GON4L: variants seen among roughly 807,000 people sequenced by gnomAD.
GON4L encodes the protein gon-4 like.
GON4L carries 87 observed loss-of-function variants against 211.8 expected under a neutral mutation model. That is an observed-to-expected ratio of 0.41 (90% CI 0.35 to 0.49). GON4L has a LOEUF of 0.49. Ranked by LOEUF, GON4L falls within the 20% of genes least tolerant of loss-of-function variation. GON4L has a pLI of 0.15. For missense variants in GON4L, 2,155 were observed against 2,659.5 expected, an observed-to-expected ratio of 0.81 and a Z score of 4.17; for synonymous variants, 875 against 962.6, an observed-to-expected ratio of 0.91 and a Z score of 1.68.
chr1:155,843,450 AC>A (rs1456494706), intron 2 of GON4L, among the ~76,000 whole-genome samples: 1 of 151,984 alleles, frequency 6.6e-6, no homozygotes, highest in Non-Finnish European at 1.5e-5. Context: ...CCCACACTTA[AC>A]AGATTGACCT....
intron 27 of GON4L, among the ~76,000 whole-genome samples, chr1:155,755,914 C>T (rs894358990): frequency 2.0e-5 from 3 of 150,568 alleles, no homozygotes; most frequent in African/African-American, 7.4e-5. Context: ...CAAGGTCATA[C>T]AGCTACTAAG....
Position 155,765,672 on chromosome 1 carries a change from A to T in GON4L, c.3801T>A (p.His1267Gln). Residue 1267 changes from histidine to glutamine, a missense_variant, in exon 21 of 32, where the codon CAT becomes CAA. His to Gln is a conservative substitution (Grantham distance 24). Coordinates refer to ENST00000368331, the MANE Select transcript of GON4L (RefSeq NM_001282860.2). Reference protein sequence around the residue: ...LSATVFPKVEHSPGPPLADAE... With the variant: ...LSATVFPKVEQSPGPPLADAE... Reference sequence around the variant, plus strand: ...CATCTGCTAGTGGAGGCCCTGGGCTATGTTCCACTTTCGGGAAAACAGTAG... The same window carrying T: ...CATCTGCTAGTGGAGGCCCTGGGCTTTGTTCCACTTTCGGGAAAACAGTAG... 2 of 1,614,158 alleles carry T rather than the reference A, an allele frequency of 1.2e-6. No homozygotes were observed. The highest frequency in any genetic ancestry group is 1.7e-6 in the Non-Finnish European group (2 of 1,180,032).
At chr1:155,814,281 C>A in intron 9 of GON4L, 49 bp downstream of exon 9, 3 of 1,545,102 alleles carry the variant, frequency 1.9e-6, no homozygotes, top group Non-Finnish European at 2.7e-6. Flanking sequence ...GTTAAAAAAT[C>A]TACTTAGACA....
chr1:155,790,932 G>C (rs1665486338), intron 12 of GON4L, among the ~76,000 whole-genome samples: 1 of 150,886 alleles, frequency 6.6e-6, no homozygotes, highest in African/African-American at 2.4e-5. Context: ...GACAGAGCGA[G>C]ACTCCTTCTC....
In GON4L at chr1:155,765,690, A is replaced by T. The variant is rs1557835428; in HGVS notation, c.3783T>A (p.Val1261=). 2 of 1,614,158 alleles carry T rather than the reference A, an allele frequency of 1.2e-6. No individual in the cohort carries two copies. Among genetic ancestry groups the T allele is most frequent in the Non-Finnish European group, 8.5e-7 (1 of 1,180,036 alleles). The change falls in exon 21 of 32, where the codon GTT becomes GTA. Residue 1261 remains valine (V), a synonymous_variant. Transcript: ENST00000368331. ...CTGGGCTATGTTCCACTTTCGGGAA[A>T]ACAGTAGCAGAGAGAGGAGATAGTT... The part of the protein sequence containing the change: ...PQELSPLSAT[V]FPKVEHSPGP...
rs762665886 is a variant in GON4L, at chr1:155,853,263, T to C, written c.505+13A>G. The C allele has an allele frequency of 5.0e-6, 8 of 1,609,660 alleles. No homozygotes were observed. Among genetic ancestry groups the C allele is most frequent in the Non-Finnish European group, 6.8e-6 (8 of 1,176,060 alleles). ...TTGACAAGAATGTAACCTAGAGACC[T>C]TGTATACCTTACCTCCTTCTTCCTT... On this transcript the variant is annotated intron_variant, in intron 2 of 31. Coordinates refer to ENST00000368331, the MANE Select transcript of GON4L (RefSeq NM_001282860.2).
Position 155,777,711 on chromosome 1 carries a change from C to G in GON4L, c.2002G>C (p.Glu668Gln), listed in dbSNP as rs1663970603. The G allele has an allele frequency of 5.0e-6, 8 of 1,613,124 alleles. No homozygotes were observed. Among genetic ancestry groups the G allele is most frequent in the Non-Finnish European group, 6.8e-6 (8 of 1,179,084 alleles). ...KSSAKQLQEV[E>Q]KVKPQSEKVH... is the part of the protein sequence containing the mutation. ...TTCTCACTCTGGGGTTTAACCTTCTCTACTTCCTGCAGCTGTTTGGCTGAA... is the reference window on the plus strand; with the variant it reads ...TTCTCACTCTGGGGTTTAACCTTCTGTACTTCCTGCAGCTGTTTGGCTGAA... Residue 668 changes from glutamate (E) to glutamine (Q), a missense_variant, in exon 15 of 32, where the codon GAG (glutamate) becomes CAG (glutamine). By Grantham distance (29) the Glu-to-Gln change is conservative. Around this residue, in one of 6 missense-constraint regions of GON4L, gnomAD observed 551 missense variants for 854.0 expected, o/e 0.65. Transcript: ENST00000368331.
intron 10 of GON4L, among the ~76,000 whole-genome samples, chr1:155,806,985 G>C (rs1049360046): frequency 6.6e-6 from 1 of 151,390 alleles, no homozygotes; most frequent in Non-Finnish European, 1.5e-5. Context: ...TGTAGTCCCA[G>C]CTACTTAGGA....
chr1:155,791,556 T>G (rs1477396256), intron 12 of GON4L, among the ~76,000 whole-genome samples: 1 of 151,766 alleles, frequency 6.6e-6, no homozygotes, highest in East Asian at 1.9e-4. Flanking sequence ...TTGCTTTTTT[T>G]TTTCTTAACA....
intron 19 of GON4L, among the ~76,000 whole-genome samples, 166 bp from the exon 20 acceptor site, chr1:155,767,707 C>T (rs1434665359): frequency 6.6e-6 from 1 of 152,092 alleles, no homozygotes; most frequent in Non-Finnish European, 1.5e-5. Flanking sequence ...ATATAAATAG[C>T]ATATGCTGAA....
In GON4L at chr1:155,752,575, C is replaced by A. The variant is rs1351931270; in HGVS notation, c.5858G>T (p.Gly1953Val). The change falls in exon 30 of 32, where the codon GGG (glycine) becomes GTG (valine). Residue 1953 changes from glycine (G) to valine (V), a missense_variant. By Grantham distance (109) the Gly-to-Val change is moderately radical. Around this residue, in one of 6 missense-constraint regions of GON4L, gnomAD observed 455 missense variants for 504.6 expected, o/e 0.90. Transcript: ENST00000368331. ...EMPVSAGLAV[G>V]STLPSPREVT... ...TTCTCGAGGGGATGGCAAAGTGCTC[C>A]CCACTGCCAATCCTGCTTAGGAGGA... 1.9e-6 allele frequency: 3 copies of A among 1,588,644 alleles called. No individual in the cohort carries two copies. Among genetic ancestry groups the A allele is most frequent in the Non-Finnish European group, 2.6e-6 (3 of 1,167,332 alleles).
At chr1:155,856,552 C>T (rs1003536159) in intron 1 of GON4L, among the ~76,000 whole-genome samples, 4 of 152,066 alleles carry the variant, frequency 2.6e-5, no homozygotes, top group Non-Finnish European at 4.4e-5. Context: ...TAGTTTTAAA[C>T]CTCCCTTCTG....
downstream of GON4L, chr1:155,748,573 G>A: frequency 6.2e-6 from 10 of 1,613,516 alleles, no homozygotes; most frequent in Non-Finnish European, 8.5e-6. Flanking sequence ...CTGAGAAAAT[G>A]TCCTATAACG....
At chr1:155,783,276 C>T (rs1664603498) in intron 14 of GON4L, among the ~76,000 whole-genome samples, 3 of 152,158 alleles carry the variant, frequency 2.0e-5, no homozygotes, top group African/African-American at 7.2e-5. Flanking sequence ...AGATGGATCC[C>T]AAGCTCTCTG....
At chr1:155,807,926 C>T (rs1667311765) in intron 10 of GON4L, among the ~76,000 whole-genome samples, 1 of 151,988 alleles carries the variant, frequency 6.6e-6, no homozygotes. Flanking sequence ...CATCAACCTG[C>T]TAATGGGTTT....
chr1:155,752,215 G>C lies in GON4L; in HGVS notation c.6218C>G (p.Thr2073Ser), dbSNP rs1287970317. The C allele has an allele frequency of 1.6e-5, 26 of 1,613,460 alleles. No homozygotes were observed. The highest frequency in any genetic ancestry group is 2.2e-5 in the Non-Finnish European group (26 of 1,179,668). Residue 2073 changes from threonine (T) to serine (S), a missense_variant, in exon 30 of 32, where the codon ACT becomes AGT. By Grantham distance (58) the Thr-to-Ser change is moderately conservative. This residue lies in a region of GON4L where 186 missense variants were observed against 308.1 expected (regional missense o/e 0.60). Coordinates refer to ENST00000368331, the MANE Select transcript of GON4L (RefSeq NM_001282860.2). ...GCTTGAGGGCAGCCATCTCTCTTGA[G>C]TGTCTGGTTTCCCGGACACATGTCT... is the stretch of plus-strand genomic sequence containing the variant. ...GRRHVSGKPD[T>S]QERWLPSSRA...
In GON4L at chr1:155,826,211, TA is replaced by T. The variant is rs373910061; in HGVS notation, c.697+625del. 5.4e-3 allele frequency among the ~76,000 whole-genome samples: 780 copies of T among 144,676 alleles called. 1 individual carries two copies. Among genetic ancestry groups the T allele is most frequent in the East Asian group, 0.015 (74 of 5,014 alleles). 94.9% of individuals were successfully genotyped at this position (144,676 alleles called of 152,430 possible). On this transcript the variant is annotated intron_variant, in intron 3 of 31. Coordinates refer to ENST00000368331, the MANE Select transcript of GON4L (RefSeq NM_001282860.2). ...GAGTGACAGAGTGAGACCCTGTCTT[TA>T]AAAAAAAAAAGGCAGTTATAAAATG...
intron 3 of GON4L, 95 bp from the exon 4 acceptor site, chr1:155,822,571 G>A (rs951209616): frequency 1.0e-4 from 92 of 876,224 alleles, no homozygotes; most frequent in Middle Eastern, 7.3e-4. Context: ...AATCTCAAAA[G>A]CATTATGCTG....
chr1:155,828,625 G>A (rs997257690), intron 2 of GON4L, among the ~76,000 whole-genome samples: 5 of 149,140 alleles, frequency 3.4e-5, no homozygotes, highest in Non-Finnish European at 7.4e-5. Flanking sequence ...TGGCCAACAC[G>A]GCAAAACCCC....
Sources: allele counts gnomAD v4.1 joint callset (sites outside exome capture counted in the v4.1 genomes callset), GRCh38; gene constraint gnomAD v4.1.1; regional missense constraint gnomAD v4.1.1; transcripts MANE v1.5; gene names NCBI Gene and HGNC (gene_info 2026-07-23, HGNC 2026-07-21).